The following CSRNP3 variants were observed in gnomAD, a reference collection of about 807,000 sequenced individuals.
CSRNP3 encodes cysteine and serine rich nuclear protein 3.
Under a neutral mutation model 48.0 loss-of-function variants are expected in CSRNP3, and 12 were observed. The observed-to-expected ratio is 0.25, with a 90% CI of 0.16 to 0.41. The LOEUF is 0.41. Ranked by LOEUF, CSRNP3 falls within the 10% of genes least tolerant of loss-of-function variation. The pLI, the probability that CSRNP3 is intolerant of heterozygous loss-of-function variation, is 1.00. For synonymous variants in CSRNP3, 263 were observed against 269.7 expected (o/e 0.98, Z 0.24); for missense variants, 580 against 724.4 (o/e 0.80, Z 2.29).
At chr2:165,507,810 A>G (rs1384802959) in intron 2 of CSRNP3, among the ~76,000 whole-genome samples, 11 of 152,090 alleles carry the variant, frequency 7.2e-5, no homozygotes, top group Non-Finnish European at 4.4e-5. Flanking sequence ...TGTTTGGGAT[A>G]CTCCTAACAT....
At position 165,531,852 on chromosome 2, in the gene CSRNP3, C is replaced by T. The variant is rs1166206874; in HGVS notation, c.-24+13891C>T. On this transcript the variant is annotated intron_variant, in intron 3 of 6. Transcript: ENST00000651982. ...AGAAAAGAGAGAAGACTCAAATAGA[C>T]GCAATAAAAAATGATAAAGGGGATA... is the stretch of plus-strand genomic sequence containing the variant. 7.9e-5 allele frequency among the ~76,000 whole-genome samples: 12 copies of T among 152,006 alleles called. No homozygotes were observed. The East Asian group carries it at 1.2e-3, about 15-fold the overall frequency.
chr2:165,643,678 G>A, intron 4 of CSRNP3, among the ~76,000 whole-genome samples: 1 of 152,076 alleles, frequency 6.6e-6, no homozygotes, highest in South Asian at 2.1e-4. Context: ...AGACCATAAT[G>A]TTTCAGTTCT....
chr2:165,625,130 C>T (rs1573927061), intron 4 of CSRNP3, among the ~76,000 whole-genome samples: 1 of 152,128 alleles, frequency 6.6e-6, no homozygotes, highest in African/African-American at 2.4e-5. Flanking sequence ...TAAATGAGCT[C>T]ATTTCCTCAT....
intron 4 of CSRNP3, among the ~76,000 whole-genome samples, chr2:165,636,060 T>C (rs527538230): frequency 1.2e-4 from 19 of 152,236 alleles, no homozygotes; most frequent in African/African-American, 4.1e-4. Flanking sequence ...GAAACTTGTT[T>C]ATTGCTATAA....
At chr2:165,495,411 C>T (rs1366243139) in intron 2 of CSRNP3, among the ~76,000 whole-genome samples, 1 of 152,034 alleles carries the variant, frequency 6.6e-6, no homozygotes, top group African/African-American at 2.4e-5. Context: ...ACAGTTAAAA[C>T]TCAGACTCAA....
chr2:165,538,766 T>C (rs746992967), intron 3 of CSRNP3, among the ~76,000 whole-genome samples: 1 of 151,916 alleles, frequency 6.6e-6, no homozygotes, highest in Non-Finnish European at 1.5e-5. Flanking sequence ...TATCTTTGCA[T>C]TGAGTCTTGA....
rs73969293 is a variant in CSRNP3, at chr2:165,539,601, G to T, written c.-24+21640G>T. On this transcript the variant is annotated intron_variant, in intron 3 of 6. Coordinates refer to ENST00000651982, the MANE Select transcript of CSRNP3 (RefSeq NM_001172173.2). ...GTCTTGAACAGCTGATGTATAAAAA[G>T]ATGCTTAATAAATGCATTTTGATGA... Among the ~76,000 whole-genome samples, 1,485 of 152,114 alleles carry T rather than the reference G, an allele frequency of 9.8e-3. 20 individuals carry two copies. The highest frequency in any genetic ancestry group is 0.034 in the African/African-American group (1,394 of 41,524).
chr2:165,582,394 T>A (rs1254764775), intron 3 of CSRNP3, among the ~76,000 whole-genome samples: 2 of 152,174 alleles, frequency 1.3e-5, no homozygotes, highest in African/African-American at 4.8e-5. Flanking sequence ...ACCATTCCTG[T>A]CAAGTATTCC....
intron 3 of CSRNP3, among the ~76,000 whole-genome samples, chr2:165,549,134 AAGCTGTAAAGGAATAATTTTG>A (rs1685067332): frequency 6.6e-6 from 1 of 151,962 alleles, no homozygotes; most frequent in African/African-American, 2.4e-5. Flanking sequence ...TTACCCTGAA[AAGCTGTAAAGGAATAATTTTG>A]AGCTGGTGAT....
At chr2:165,591,064 A>C (rs1685709135) in intron 3 of CSRNP3, among the ~76,000 whole-genome samples, 1 of 152,200 alleles carries the variant, frequency 6.6e-6, no homozygotes, top group Non-Finnish European at 1.5e-5. Flanking sequence ...AAAGACAGGA[A>C]GATATGGGAA....
chr2:165,646,513 A>G (rs1240036362), intron 4 of CSRNP3, among the ~76,000 whole-genome samples: 1 of 152,166 alleles, frequency 6.6e-6, no homozygotes, highest in Non-Finnish European at 1.5e-5. Flanking sequence ...TGGTATTGAG[A>G]AAATGTAAAA....
chr2:165,598,891 A>G lies in CSRNP3; in HGVS notation c.148+3678A>G, dbSNP rs373528765. Reference sequence around the variant, plus strand: ...ATTAGGAAGAGAGACATAAAGTGGGAAAAAATAGTAAAGACTCAAAAGACA... The same window carrying G: ...ATTAGGAAGAGAGACATAAAGTGGGGAAAAATAGTAAAGACTCAAAAGACA... On this transcript the variant is annotated intron_variant, in intron 4 of 6. Transcript: ENST00000651982. Among the ~76,000 whole-genome samples the G allele has an allele frequency of 1.1e-3, 175 of 152,224 alleles. 1 individual carries two copies. Among genetic ancestry groups the G allele is most frequent in the African/African-American group, 4.2e-3 (173 of 41,544 alleles).
chr2:165,508,564 T>C (rs1015393304), intron 2 of CSRNP3, among the ~76,000 whole-genome samples: 3 of 152,196 alleles, frequency 2.0e-5, no homozygotes, highest in African/African-American at 7.2e-5. Context: ...ATTGACAACC[T>C]GGTTTATATT....
intron 3 of CSRNP3, among the ~76,000 whole-genome samples, chr2:165,589,127 C>T (rs1222445466): frequency 2.0e-5 from 3 of 152,070 alleles, no homozygotes; most frequent in Non-Finnish European, 4.4e-5. Flanking sequence ...ATTAATTATC[C>T]TCACCTGGCT....
chr2:165,577,556 C>T (rs1685472455), intron 3 of CSRNP3, among the ~76,000 whole-genome samples: 1 of 151,706 alleles, frequency 6.6e-6, no homozygotes, highest in Admixed American at 6.6e-5. Context: ...AGGTGAAAGT[C>T]AGTTTAGGTT....
chr2:165,627,829 T>C (rs1686463143), intron 4 of CSRNP3, among the ~76,000 whole-genome samples: 1 of 152,174 alleles, frequency 6.6e-6, no homozygotes, highest in Non-Finnish European at 1.5e-5. Context: ...TTCTCATTCA[T>C]GAATGAGGAA....
At chr2:165,651,202 A>G (rs1326767215) in intron 4 of CSRNP3, among the ~76,000 whole-genome samples, 4 of 152,242 alleles carry the variant, frequency 2.6e-5, no homozygotes, top group African/African-American at 7.2e-5. Context: ...GGAATGATAC[A>G]CTAATAATGT....
At chr2:165,514,695 T>A (rs1684552779) in intron 2 of CSRNP3, among the ~76,000 whole-genome samples, 1 of 152,194 alleles carries the variant, frequency 6.6e-6, no homozygotes, top group Non-Finnish European at 1.5e-5. Flanking sequence ...GAATATGTCA[T>A]TCTTCCCAAC....
chr2:165,555,809 A>T (rs1020214839), intron 3 of CSRNP3, among the ~76,000 whole-genome samples: 2 of 152,258 alleles, frequency 1.3e-5, no homozygotes, highest in Non-Finnish European at 2.9e-5. Flanking sequence ...TATGAAGAGC[A>T]TGTGCAATTT....
Sources: allele counts gnomAD v4.1 joint callset (sites outside exome capture counted in the v4.1 genomes callset), GRCh38; gene constraint gnomAD v4.1.1; transcripts MANE v1.5; gene names NCBI Gene and HGNC (gene_info 2026-07-23, HGNC 2026-07-21).